Variants in NRXN3 observed in about 807,000 individuals in gnomAD.
NRXN3 encodes neurexin III.
Under a neutral mutation model 137.6 loss-of-function variants are expected in NRXN3, and 32 were observed. The ratio of observed to expected loss-of-function variants is 0.23; its 90% CI spans 0.18 to 0.31. The LOEUF (loss-of-function observed/expected upper bound fraction) is 0.31, where lower values mean the gene tolerates loss of function less well. Ranked by LOEUF, NRXN3 falls within the 10% of genes least tolerant of loss-of-function variation. The pLI is 1.00. For missense variants in NRXN3, 1,574 were observed against 2,062.5 expected, an observed-to-expected ratio of 0.76 and a Z score of 4.59; for synonymous variants, 798 against 784.5, an observed-to-expected ratio of 1.02 and a Z score of -0.29.
At chr14:79,151,983 C>T (rs2059844480) in intron 15 of NRXN3, among the ~76,000 whole-genome samples, 1 of 152,026 alleles carries the variant, frequency 6.6e-6, no homozygotes, top group African/African-American at 2.4e-5. Flanking sequence ...TCATTACTGT[C>T]ATCCTCCCAG....
At chr14:79,417,088 T>A (rs1168228092) in intron 15 of NRXN3, among the ~76,000 whole-genome samples, 1 of 152,130 alleles carries the variant, frequency 6.6e-6, no homozygotes, top group Non-Finnish European at 1.5e-5. Flanking sequence ...GATGCATCTC[T>A]TGGAACAAGA....
intron 15 of NRXN3, among the ~76,000 whole-genome samples, chr14:79,283,570 GC>G (rs2081653958): frequency 6.6e-6 from 1 of 152,146 alleles, no homozygotes; most frequent in Non-Finnish European, 1.5e-5. Context: ...TCCCAGGACA[GC>G]CTAGAGGATG....
At chr14:78,987,995 T>G (rs754309800) in intron 14 of NRXN3, 27 bp from the exon 15 acceptor site, 18 of 1,593,296 alleles carry the variant, frequency 1.1e-5, no homozygotes, top group Admixed American at 5.4e-5. Context: ...CTTTTTCTTT[T>G]TTTCCCCTCT....
chr14:78,963,143 GTC>G (rs1436038907), intron 11 of NRXN3, among the ~76,000 whole-genome samples: 1 of 150,790 alleles, frequency 6.6e-6, no homozygotes, highest in Non-Finnish European at 1.5e-5. Flanking sequence ...TCCACGCTCA[GTC>G]TCTCTGCTAT....
intron 16 of NRXN3, among the ~76,000 whole-genome samples, chr14:79,470,898 G>GAT (rs2096492264): frequency 7.0e-6 from 1 of 142,046 alleles, no homozygotes; most frequent in African/African-American, 3.0e-5. Context: ...AAGAGAGAGA[G>GAT]AGAGTGTGTG....
chr14:78,414,947 T>C (rs889091186), intron 4 of NRXN3, among the ~76,000 whole-genome samples: 3 of 152,190 alleles, frequency 2.0e-5, no homozygotes, highest in African/African-American at 7.2e-5. Context: ...AGGATTTGGT[T>C]CCAATGCTAT....
chr14:79,163,871 G>A (rs1375334230), intron 15 of NRXN3, among the ~76,000 whole-genome samples: 1 of 151,048 alleles, frequency 6.6e-6, no homozygotes, highest in South Asian at 2.1e-4. Context: ...AAAAATAATT[G>A]TTATAATAAA....
At position 79,272,934 on chromosome 14, in the gene NRXN3, AG is replaced by A. The variant is rs1040552157; in HGVS notation, c.3263-194285del. On this transcript the variant is annotated intron_variant, in intron 15 of 20. Transcript: ENST00000335750. ...ACGCCTGTAATCCCAGCACTTTGGG[AG>A]GCCAAGACGAGCGGATCACGAGGTC... is the stretch of plus-strand genomic sequence containing the variant. Among the ~76,000 whole-genome samples the A allele has an allele frequency of 3.9e-5, 6 of 152,218 alleles. No homozygotes were observed. In the South Asian group the frequency reaches 6.2e-4, roughly 16 times the overall value.
intron 4 of NRXN3, among the ~76,000 whole-genome samples, chr14:78,562,134 C>T (rs2152273571): frequency 6.6e-6 from 1 of 152,100 alleles, no homozygotes; most frequent in East Asian, 1.9e-4. Flanking sequence ...CACGATGTCT[C>T]ACGCCTGTAA....
At chr14:78,307,712 T>A (rs2077510700) in intron 4 of NRXN3, among the ~76,000 whole-genome samples, 1 of 152,124 alleles carries the variant, frequency 6.6e-6, no homozygotes, top group Non-Finnish European at 1.5e-5. Context: ...TTTTGATGGA[T>A]GTCTGATTGT....
chr14:78,912,036 C>T (rs935802927), intron 10 of NRXN3, among the ~76,000 whole-genome samples: 1 of 146,552 alleles, frequency 6.8e-6, no homozygotes, highest in East Asian at 2.0e-4. Context: ...CGTCATTTAG[C>T]ATTAGGTATA....
intron 4 of NRXN3, among the ~76,000 whole-genome samples, chr14:78,332,231 T>C (rs1273367352): frequency 6.6e-6 from 1 of 152,062 alleles, no homozygotes; most frequent in Non-Finnish European, 1.5e-5. Context: ...TTTTCCCTTA[T>C]CTCCCTTCAA....
At chr14:78,944,330 T>G (rs1031612283) in intron 10 of NRXN3, among the ~76,000 whole-genome samples, 1 of 152,154 alleles carries the variant, frequency 6.6e-6, no homozygotes. Flanking sequence ...TTCCCCTAGG[T>G]GCAGGGACTC....
intron 20 of NRXN3, among the ~76,000 whole-genome samples, chr14:79,811,581 C>CTTTTTTTTTTTTTTTTTTTTTT (rs370942970): frequency 8.6e-6 from 1 of 116,612 alleles, no homozygotes; most frequent in Non-Finnish European, 1.7e-5. Context: ...TTTCTTTTTT[C>CTTTTTTTTTTTTTTTTTTTTTT]TTTTTTTTTT....
intron 15 of NRXN3, chr14:79,280,621 G>T: frequency 1.5e-6 from 2 of 1,304,426 alleles, no homozygotes; most frequent in Non-Finnish European, 2.1e-6. Context: ...TCAAAGGTGG[G>T]AAGGGAATTT....
intron 19 of NRXN3, among the ~76,000 whole-genome samples, chr14:79,733,596 C>T (rs1174724026): frequency 6.6e-6 from 1 of 151,878 alleles, no homozygotes; most frequent in East Asian, 1.9e-4. Flanking sequence ...CAGGAAAATG[C>T]TGAATTCACC....
At chr14:79,068,128 C>T (rs1390400216) in intron 15 of NRXN3, among the ~76,000 whole-genome samples, 5 of 151,958 alleles carry the variant, frequency 3.3e-5, no homozygotes, top group Non-Finnish European at 5.9e-5. Context: ...AAGCACTGTA[C>T]TAGAGGTTAT....
intron 8 of NRXN3, among the ~76,000 whole-genome samples, chr14:78,770,848 GT>G (rs1388236720): frequency 2.0e-5 from 3 of 151,914 alleles, no homozygotes; most frequent in Non-Finnish European, 2.9e-5. Flanking sequence ...AAATTTTGGG[GT>G]TGGGGGGGGT....
intron 4 of NRXN3, among the ~76,000 whole-genome samples, chr14:78,350,032 A>G (rs1483234196): frequency 1.3e-5 from 2 of 152,166 alleles, no homozygotes; most frequent in Non-Finnish European, 2.9e-5. Context: ...TCACGCCTGT[A>G]ATCCCAATAC....
Sources: gnomAD v4.1 joint callset for allele counts (sites outside exome capture counted in the v4.1 genomes callset) on GRCh38, gnomAD v4.1.1 for gene constraint, MANE v1.5 for transcripts, NCBI Gene and HGNC (gene_info 2026-07-23, HGNC 2026-07-21) for gene names.